POLA1: variants seen among roughly 807,000 people sequenced by gnomAD.
The protein encoded by POLA1 is DNA polymerase alpha 1, catalytic subunit.
POLA1 carries 15 observed loss-of-function variants against 124.0 expected under a neutral mutation model. The ratio of observed to expected loss-of-function variants is 0.12; its 90% confidence interval spans 0.08 to 0.19. POLA1 has a LOEUF of 0.19. Among genes scored for constraint, POLA1 ranks in the 10% least tolerant of loss-of-function variants. POLA1 has a pLI of 1.00. For synonymous variants in POLA1, 408 were observed against 389.4 expected (o/e 1.05, Z -0.56); for missense variants, 886 against 1,103.4 (o/e 0.80, Z 2.79).
At chrX:24,710,595 T>C (rs1486109060) in intron 4 of POLA1, among the ~76,000 whole-genome samples, 2 of 111,416 alleles carry the variant, frequency 1.8e-5, no homozygotes, top group African/African-American at 6.5e-5. Context: ...GTGTACAAGT[T>C]TTTGTTTGAA....
chrX:24,746,747 A>G (rs11573370), intron 24 of POLA1, among the ~76,000 whole-genome samples: 1,173 of 112,331 alleles, frequency 0.01, 5 homozygotes, highest in Non-Finnish European at 0.018. Context: ...ATATTGGAAA[A>G]CAGTAGGTCC....
Position 24,913,900 on chromosome X carries a change from C to T in POLA1, c.4165-16553C>T, listed in dbSNP as rs887479481. On this transcript the variant is annotated intron_variant, in intron 35 of 36. Coordinates refer to ENST00000379068, the MANE Select transcript of POLA1 (RefSeq NM_001330360.2). Reference sequence around the variant, plus strand: ...GAAATTAGCCAGGCGTGGTGGCATGCGTGTGTAATCCGAGCTACTTGGGAA... The same window carrying T: ...GAAATTAGCCAGGCGTGGTGGCATGTGTGTGTAATCCGAGCTACTTGGGAA... 9.6e-4 allele frequency among the ~76,000 whole-genome samples: 105 copies of T among 109,229 alleles called. 1 individual carries two copies. Among genetic ancestry groups the T allele is most frequent in the Non-Finnish European group, 2.5e-4 (13 of 52,601 alleles). The allele number at this position is 109,229 out of a possible 115,157, so 94.9% of individuals were successfully genotyped here.
intron 26 of POLA1, among the ~76,000 whole-genome samples, chrX:24,792,204 T>C (rs2045514538): frequency 9.0e-6 from 1 of 111,363 alleles, no homozygotes; most frequent in Non-Finnish European, 1.9e-5. Flanking sequence ...ACTAAAACTC[T>C]TGGGTTTCTG....
At chrX:24,895,498 C>T (rs1002304549) in intron 35 of POLA1, among the ~76,000 whole-genome samples, 1 of 112,490 alleles carries the variant, frequency 8.9e-6, no homozygotes, top group African/African-American at 3.2e-5. Context: ...TCTAGAAGTT[C>T]CATTCAATAC....
intron 35 of POLA1, among the ~76,000 whole-genome samples, chrX:24,918,717 C>A (rs1408020797): frequency 9.0e-6 from 1 of 111,503 alleles, no homozygotes; most frequent in Non-Finnish European, 1.9e-5. Flanking sequence ...TGGAGAACTT[C>A]AAGACAAGAT....
chrX:24,772,437 T>A (rs751472388), intron 26 of POLA1, among the ~76,000 whole-genome samples: 1 of 111,072 alleles, frequency 9.0e-6, no homozygotes, highest in Non-Finnish European at 1.9e-5. Context: ...AGGTTTGTTA[T>A]ACAGGTAAAC....
intron 35 of POLA1, among the ~76,000 whole-genome samples, chrX:24,913,655 A>G (rs1352694199): frequency 9.2e-6 from 1 of 109,191 alleles, no homozygotes; most frequent in Non-Finnish European, 1.9e-5. Flanking sequence ...TGGAGGTTGC[A>G]GTGAGCTGAG....
chrX:24,947,313 G>A (rs1350462127), intron 36 of POLA1, among the ~76,000 whole-genome samples: 1 of 80,629 alleles, frequency 1.2e-5, no homozygotes, highest in Non-Finnish European at 2.2e-5. Context: ...TGTTGCCCAG[G>A]CTAGAGTGCA....
chrX:24,972,213 C>A (rs11573509), intron 36 of POLA1, among the ~76,000 whole-genome samples: 1 of 111,611 alleles, frequency 9.0e-6, no homozygotes, highest in South Asian at 3.7e-4. Flanking sequence ...TCAGGTGATC[C>A]ACCCTCCTTG....
intron 35 of POLA1, among the ~76,000 whole-genome samples, chrX:24,903,599 G>A (rs1240782628): frequency 8.9e-6 from 1 of 112,024 alleles, no homozygotes; most frequent in Non-Finnish European, 1.9e-5. Context: ...CAGTGCTGAA[G>A]AGATAGGGTA....
At chrX:24,931,883 A>C (rs2047786330) in intron 36 of POLA1, among the ~76,000 whole-genome samples, 1 of 112,010 alleles carries the variant, frequency 8.9e-6, no homozygotes, top group Non-Finnish European at 1.9e-5. Flanking sequence ...TCAGTATATT[A>C]GAACCTGTTC....
chrX:24,943,124 ATCTT>A (rs371048137), intron 36 of POLA1, among the ~76,000 whole-genome samples: 13 of 112,903 alleles, frequency 1.2e-4, no homozygotes, highest in African/African-American at 4.2e-4. Context: ...ATGTTTTTCT[ATCTT>A]AAATAATTTA....
intron 15 of POLA1, among the ~76,000 whole-genome samples, chrX:24,731,596 C>T (rs954520401): frequency 2.7e-5 from 3 of 111,308 alleles, no homozygotes; most frequent in African/African-American, 9.8e-5. Context: ...TGTCTGGAGA[C>T]ATTTTTGGTT....
chrX:24,994,833 G>A (rs1002753906), intron 36 of POLA1, among the ~76,000 whole-genome samples: 4 of 111,187 alleles, frequency 3.6e-5, no homozygotes, highest in Non-Finnish European at 5.7e-5. Flanking sequence ...CATCCCCCAC[G>A]TGATCACTCT....
rs1176247162 is a variant in POLA1, at chrX:24,738,189, C to T, written c.2040+448C>T. ...GATTGCGCCACTGCAGTCCGCAGTC[C>T]GGCCTGGGCGACAGAGCGAGACTCC... On this transcript the variant is annotated intron_variant, in intron 19 of 36. Coordinates refer to ENST00000379068, the MANE Select transcript of POLA1 (RefSeq NM_001330360.2). Among the ~76,000 whole-genome samples, 8 of 88,417 alleles carry T rather than the reference C, an allele frequency of 9.0e-5. 2 individuals are homozygous for T. Among genetic ancestry groups the T allele is most frequent in the African/African-American group, 2.3e-4 (5 of 21,803 alleles). 76.8% of individuals were successfully genotyped at this position (88,417 alleles called of 115,157 possible). A position where few individuals can be genotyped will look rare whatever the true frequency, so the allele number is the denominator to read the frequency against.
chrX:24,854,045 ATGT>A (rs765800747), intron 34 of POLA1, among the ~76,000 whole-genome samples: 19 of 111,310 alleles, frequency 1.7e-4, no homozygotes, highest in Non-Finnish European at 3.2e-4. Context: ...TGGGGCCACT[ATGT>A]TGTTGTTGTT....
At position 24,814,957 on chromosome X, in the gene POLA1, G is replaced by GTTTTTTTTTTTT. The variant is rs749255466; in HGVS notation, c.3297-16_3297-5dup. The GTTTTTTTTTTTT allele has an allele frequency of 3.6e-5, 31 of 857,407 alleles. 1 individual carries two copies. Among genetic ancestry groups the GTTTTTTTTTTTT allele is most frequent in the Admixed American group, 1.4e-4 (3 of 21,579 alleles). 70.7% of individuals were successfully genotyped at this position (857,407 alleles called of 1,213,427 possible). ...AAAAATCAACTGCTGTCTTTGTTTT[G>GTTTTTTTTTTTT]TTTTTTTTTTTTTTTTTGCAGCTTT... On this transcript the variant is annotated intron_variant, in intron 29 of 36. Coordinates refer to ENST00000379068, the MANE Select transcript of POLA1 (RefSeq NM_001330360.2).
Position 24,969,663 on chromosome X carries a change from T to G in POLA1, c.4262-26142T>G, listed in dbSNP as rs973312512. Among the ~76,000 whole-genome samples, 6 of 111,503 alleles carry G rather than the reference T, an allele frequency of 5.4e-5. No homozygotes were observed. In the East Asian group the frequency reaches 1.7e-3, roughly 31 times the overall value. On this transcript the variant is annotated intron_variant, in intron 36 of 36. Transcript: ENST00000379068. The stretch of plus-strand genomic sequence containing the variant: ...CATTTTTTTTTTCCTTCAACTTCTA[T>G]TTTAAGTTCAGGGGTGTATGTACAG...
At chrX:24,829,938 A>AT (rs1305632523) in intron 32 of POLA1, among the ~76,000 whole-genome samples, 1 of 112,694 alleles carries the variant, frequency 8.9e-6, no homozygotes, top group African/African-American at 3.2e-5. Flanking sequence ...AAATGTATAC[A>AT]TAAAATACAA....
Sources: gnomAD v4.1 joint callset for allele counts (sites outside exome capture counted in the v4.1 genomes callset) on GRCh38, gnomAD v4.1.1 for gene constraint, MANE v1.5 for transcripts, NCBI Gene and HGNC (gene_info 2026-07-23, HGNC 2026-07-21) for gene names.